COL14A1: variants seen among roughly 807,000 people sequenced by gnomAD.
COL14A1 encodes collagen type XIV alpha 1 chain.
Under a neutral mutation model 230.3 loss-of-function variants are expected in COL14A1, and 136 were observed. The ratio of observed to expected loss-of-function variants is 0.59; its 90% CI spans 0.51 to 0.68. The LOEUF is 0.68. Ranked by LOEUF, COL14A1 falls within the 30% of genes least tolerant of loss-of-function variation. COL14A1 has a pLI of 0.00. For missense variants in COL14A1, 1,976 were observed against 2,215.8 expected, an observed-to-expected ratio of 0.89 and a Z score of 2.17; for synonymous variants, 792 against 784.1, an observed-to-expected ratio of 1.01 and a Z score of -0.17.
intron 5 of COL14A1, among the ~76,000 whole-genome samples, chr8:120,182,727 T>TG (rs1491479968): frequency 4.4e-5 from 3 of 68,000 alleles, no homozygotes; most frequent in African/African-American, 3.9e-4. Context: ...TTTTTCTTCG[T>TG]TTTTTTTTTT....
Position 120,231,634 on chromosome 8 carries a change from A to G in COL14A1, c.2349+16A>G, listed in dbSNP as rs1028069483. On this transcript the variant is annotated intron_variant, in intron 19 of 47. Transcript: ENST00000297848. Reference sequence around the variant, plus strand: ...CATAGGAACGGTCTGTATAAATTCAACTGACTAGAAACTCTGCAGATGTTA... The same window carrying G: ...CATAGGAACGGTCTGTATAAATTCAGCTGACTAGAAACTCTGCAGATGTTA... The G allele has an allele frequency of 7.5e-6, 12 of 1,609,956 alleles. No homozygotes were observed. Among genetic ancestry groups the G allele is most frequent in the Admixed American group, 1.7e-5 (1 of 59,132 alleles).
chr8:120,274,475 A>G (rs1819777855), intron 26 of COL14A1, among the ~76,000 whole-genome samples: 1 of 151,910 alleles, frequency 6.6e-6, no homozygotes. Flanking sequence ...AGTCCTAGCC[A>G]GAGCAATCAG....
chr8:120,258,329 C>T (rs1396838583), intron 23 of COL14A1, among the ~76,000 whole-genome samples: 1 of 152,160 alleles, frequency 6.6e-6, no homozygotes. Flanking sequence ...GAAAAGAGAG[C>T]TTCTCTTTCT....
rs112702367 is a variant in COL14A1, at chr8:120,260,733, A to G, written c.2870-2135A>G. The stretch of plus-strand genomic sequence containing the variant: ...ACAACAACAATGCTCTGTGCCTACG[A>G]GGAAAACACTTGAAACTCTTCAATA... On this transcript the variant is annotated intron_variant, in intron 23 of 47. Transcript: ENST00000297848. Among the ~76,000 whole-genome samples, 409 of 152,320 alleles carry G rather than the reference A, an allele frequency of 2.7e-3. 2 individuals are homozygous for G. Among genetic ancestry groups the G allele is most frequent in the Middle Eastern group, 0.01 (3 of 294 alleles).
At chr8:120,296,946 T>A (rs1174388705) in intron 34 of COL14A1, among the ~76,000 whole-genome samples, 4 of 152,010 alleles carry the variant, frequency 2.6e-5, no homozygotes, top group South Asian at 2.1e-4. Context: ...TATGATTTTT[T>A]AAAAAATGTT....
At chr8:120,146,964 G>T (rs1244536631) in intron 1 of COL14A1, among the ~76,000 whole-genome samples, 3 of 151,948 alleles carry the variant, frequency 2.0e-5, no homozygotes, top group African/African-American at 7.2e-5. Context: ...TTGTAGAATG[G>T]TCTTTTAAAT....
At chr8:120,141,025 G>A (rs1814889873) in intron 1 of COL14A1, among the ~76,000 whole-genome samples, 1 of 152,200 alleles carries the variant, frequency 6.6e-6, no homozygotes, top group African/African-American at 2.4e-5. Flanking sequence ...TCAAGGCAGA[G>A]TTATTTGTTT....
Position 120,278,123 on chromosome 8 carries a change from C to A in COL14A1, c.3226C>A (p.Gln1076Lys), listed in dbSNP as rs764593772. The change falls in exon 27 of 48, where the codon CAG becomes AAG. Residue 1076 changes from glutamine (Q) to lysine (K), a missense_variant. By Grantham distance (53) the Gln-to-Lys change is moderately conservative. Coordinates refer to ENST00000297848, the MANE Select transcript of COL14A1 (RefSeq NM_021110.4). ...GTDGTQVAMV[Q>K]FTDDPRTEFK... is the part of the protein sequence containing the mutation. ...CTTCTCTCTCCAGGTTGCAATGGTT[C>A]AGTTCACTGATGATCCCAGAACAGA... is the stretch of plus-strand genomic sequence containing the variant. 2.5e-6 allele frequency: 4 copies of A among 1,605,654 alleles called. No homozygotes were observed. In the South Asian group the frequency reaches 4.5e-5, roughly 18 times the overall value.
intron 42 of COL14A1, among the ~76,000 whole-genome samples, chr8:120,337,727 A>T (rs1586877433): frequency 6.6e-6 from 1 of 152,166 alleles, no homozygotes; most frequent in African/African-American, 2.4e-5. Context: ...TCCTGCCTAC[A>T]TCTGCAGGGA....
chr8:120,323,340 C>T (rs1471369712), intron 40 of COL14A1, among the ~76,000 whole-genome samples: 1 of 151,652 alleles, frequency 6.6e-6, no homozygotes, highest in African/African-American at 2.4e-5. Flanking sequence ...GCATAGTTTG[C>T]AAAAATTGTC....
At position 120,293,713 on chromosome 8, in the gene COL14A1, G is replaced by C. The variant is rs74354416; in HGVS notation, c.4237-3798G>C. 2.6e-4 allele frequency among the ~76,000 whole-genome samples: 39 copies of C among 151,888 alleles called. No homozygotes were observed. The East Asian group carries it at 7.3e-3, about 29-fold the overall frequency. ...AGAATAAAGGCAGAGAAGGAAGTTT[G>C]GTTTGTACTAGAGACTATATGTCCT... On this transcript the variant is annotated intron_variant, in intron 34 of 47. Coordinates refer to ENST00000297848, the MANE Select transcript of COL14A1 (RefSeq NM_021110.4).
intron 24 of COL14A1, among the ~76,000 whole-genome samples, chr8:120,263,370 C>T (rs1275503831): frequency 6.6e-6 from 1 of 152,150 alleles, no homozygotes; most frequent in Non-Finnish European, 1.5e-5. Flanking sequence ...GACATTAAAA[C>T]AATGGCATAT....
chr8:120,161,450 T>TGGA (rs1352804651), intron 3 of COL14A1, among the ~76,000 whole-genome samples: 1 of 152,226 alleles, frequency 6.6e-6, no homozygotes, highest in Non-Finnish European at 1.5e-5. Context: ...TGTAACCTGA[T>TGGA]GGAGAGGTAA....
intron 24 of COL14A1, 49 bp from the exon 25 acceptor site, chr8:120,266,778 C>G (rs1223513919): frequency 6.8e-7 from 1 of 1,472,202 alleles, no homozygotes; most frequent in Non-Finnish European, 9.5e-7. Context: ...TCCGCTCTTC[C>G]CCACAGATGA....
At chr8:120,180,701 C>CTTTTTTT (rs34377563) in intron 5 of COL14A1, among the ~76,000 whole-genome samples, 21 of 83,576 alleles carry the variant, frequency 2.5e-4, no homozygotes, top group Non-Finnish European at 3.4e-4. Flanking sequence ...GGTAGGAAGC[C>CTTTTTTT]TTTTTTTTTT....
At chr8:120,143,828 A>G (rs1003380099) in intron 1 of COL14A1, among the ~76,000 whole-genome samples, 2 of 151,940 alleles carry the variant, frequency 1.3e-5, no homozygotes, top group Non-Finnish European at 2.9e-5. Flanking sequence ...TGGTAATAGT[A>G]TGGAGATACT....
chr8:120,370,561 A>G, intron 47 of COL14A1: 1 of 1,459,562 alleles, frequency 6.9e-7, no homozygotes, highest in African/African-American at 1.4e-5. Flanking sequence ...TGGAGTGATA[A>G]CATCGGAACT....
chr8:120,231,870 T>A (rs1010007045), intron 19 of COL14A1: 5 of 388,000 alleles, frequency 1.3e-5, no homozygotes, highest in Admixed American at 4.2e-5. Context: ...TTGCTTCTCT[T>A]CTGCTGCCTT....
rs565702518 is a variant in COL14A1, at chr8:120,199,447, C to T, written c.758C>T (p.Ala253Val). 2.6e-5 allele frequency: 42 copies of T among 1,608,668 alleles called. No individual in the cohort carries two copies. Among genetic ancestry groups the T allele is most frequent in the Non-Finnish European group, 3.4e-5 (40 of 1,178,402 alleles). The part of the protein sequence containing the change: ...YIFENSFKPE[A>V]GSRTGVSKIG... ...TTTGAAAATAGCTTCAAACCAGAAG[C>T]AGGATCAAGGACTGGAGTATCCAAA... Residue 253 changes from alanine (A) to valine (V), a missense_variant, in exon 8 of 48, where the codon GCA becomes GTA. This residue lies in a region of COL14A1 where 1,791 missense variants were observed against 2,019.5 expected (regional missense o/e 0.89). Transcript: ENST00000297848.
Sources: gnomAD v4.1 joint callset for allele counts (sites outside exome capture counted in the v4.1 genomes callset) on GRCh38, gnomAD v4.1.1 for gene constraint, gnomAD v4.1.1 regional missense constraint, MANE v1.5 for transcripts, NCBI Gene and HGNC (gene_info 2026-07-23, HGNC 2026-07-21) for gene names.